AFDN: variants seen among roughly 807,000 people sequenced by gnomAD.
The protein encoded by AFDN is afadin, adherens junction formation factor, also known as afadin.
AFDN carries 68 observed loss-of-function variants against 216.6 expected under a neutral mutation model. That is an observed-to-expected ratio of 0.31 (90% CI 0.26 to 0.38). The LOEUF (loss-of-function observed/expected upper bound fraction) is 0.38. AFDN is among the 10% of genes least tolerant of loss of function. The pLI, the probability that AFDN is intolerant of heterozygous loss-of-function variation, is 1.00. For missense variants in AFDN, 2,136 were observed against 2,342.0 expected, an observed-to-expected ratio of 0.91 and a Z score of 1.82; for synonymous variants, 868 against 853.7, an observed-to-expected ratio of 1.02 and a Z score of -0.29.
At chr6:167,937,271 G>A (rs1794128485) in intron 23 of AFDN, among the ~76,000 whole-genome samples, 1 of 152,222 alleles carries the variant, frequency 6.6e-6, no homozygotes, top group African/African-American at 2.4e-5. Context: ...TTTGTCTTCT[G>A]TGTCTAAGAG....
At chr6:167,862,496 C>A (rs985355395) in intron 1 of AFDN, among the ~76,000 whole-genome samples, 1 of 152,094 alleles carries the variant, frequency 6.6e-6, no homozygotes. Context: ...CTGCCTCAGC[C>A]TCCTGAGTAG....
At chr6:167,958,678 T>C (rs1322542497) in intron 30 of AFDN, among the ~76,000 whole-genome samples, 1 of 152,238 alleles carries the variant, frequency 6.6e-6, no homozygotes, top group South Asian at 2.1e-4. Flanking sequence ...AGCTAGGTCT[T>C]CCCTCCTCTT....
chr6:167,942,760 C>A (rs1255486232), intron 23 of AFDN, among the ~76,000 whole-genome samples: 1 of 152,176 alleles, frequency 6.6e-6, no homozygotes, highest in African/African-American at 2.4e-5. Context: ...ATGAAAAGAA[C>A]AAGGGTATAA....
chr6:167,845,504 T>G (rs912990040), intron 1 of AFDN, among the ~76,000 whole-genome samples: 1 of 152,084 alleles, frequency 6.6e-6, no homozygotes, highest in Non-Finnish European at 1.5e-5. Context: ...TTCAAGCGAT[T>G]CTCCTGCCTC....
chr6:167,841,325 G>A (rs553464575), intron 1 of AFDN, among the ~76,000 whole-genome samples: 8 of 152,310 alleles, frequency 5.3e-5, no homozygotes, highest in African/African-American at 1.9e-4. Flanking sequence ...CAGGGTGATT[G>A]TGTAGGTAGC....
At chr6:167,841,452 A>G (rs186427076) in intron 1 of AFDN, among the ~76,000 whole-genome samples, 3 of 152,236 alleles carry the variant, frequency 2.0e-5, no homozygotes, top group Admixed American at 6.5e-5. Context: ...GGAACTGGCT[A>G]AGTGTACTGG....
chr6:167,864,250 G>A (rs1583202513), intron 1 of AFDN: 1 of 593,818 alleles, frequency 1.7e-6, no homozygotes, highest in Non-Finnish European at 3.2e-6. Flanking sequence ...TAAATATTGA[G>A]TGTCATGGTG....
chr6:167,918,954 G>A, intron 21 of AFDN, 21 bp downstream of exon 21: 1 of 1,599,632 alleles, frequency 6.3e-7, no homozygotes, highest in African/African-American at 1.3e-5. Context: ...CTAAATGCCT[G>A]AGTCTGAGCT....
chr6:167,963,252 C>T (rs2128749715), intron 31 of AFDN: 4 of 1,063,026 alleles, frequency 3.8e-6, no homozygotes, highest in East Asian at 5.1e-5. Context: ...GTGTGGCCGA[C>T]GCCCTCTGGA....
chr6:167,874,132 T>C (rs1308424583), intron 4 of AFDN, among the ~76,000 whole-genome samples: 2 of 152,230 alleles, frequency 1.3e-5, no homozygotes, highest in African/African-American at 4.8e-5. Flanking sequence ...TAGCCTCAGC[T>C]AGTCAGGAGG....
chr6:167,931,471 TAAAG>T (rs1296877829), intron 23 of AFDN, among the ~76,000 whole-genome samples: 1 of 152,086 alleles, frequency 6.6e-6, no homozygotes, highest in Non-Finnish European at 1.5e-5. Flanking sequence ...CTGAAGGAAA[TAAAG>T]AAAATGGCCT....
intron 2 of AFDN, among the ~76,000 whole-genome samples, chr6:167,866,836 C>G (rs1784241453): frequency 6.6e-6 from 1 of 152,216 alleles, no homozygotes; most frequent in Admixed American, 6.5e-5. Flanking sequence ...CACCTTGTTT[C>G]TCTTGAATAT....
intron 1 of AFDN, among the ~76,000 whole-genome samples, chr6:167,832,212 C>G (rs898363341): frequency 6.6e-6 from 1 of 152,318 alleles, no homozygotes; most frequent in Non-Finnish European, 1.5e-5. Flanking sequence ...CCCACAGACC[C>G]TTTAACCAGT....
intron 1 of AFDN, among the ~76,000 whole-genome samples, chr6:167,828,867 TGA>T (rs199849511): frequency 0.02 from 2,996 of 151,894 alleles, 55 homozygotes; most frequent in Non-Finnish European, 0.033. Flanking sequence ...GATTTTGAAT[TGA>T]GTTAGCATTA....
At chr6:167,849,430 A>T (rs1038081688) in intron 1 of AFDN, among the ~76,000 whole-genome samples, 2 of 149,930 alleles carry the variant, frequency 1.3e-5, no homozygotes, top group African/African-American at 2.5e-5. Flanking sequence ...GCTAGAAATG[A>T]TAGTACCTTC....
At chr6:167,855,960 G>A (rs761447128) in intron 1 of AFDN, among the ~76,000 whole-genome samples, 2 of 152,106 alleles carry the variant, frequency 1.3e-5, no homozygotes, top group Non-Finnish European at 2.9e-5. Context: ...CAGAACATAC[G>A]AAATGGAAAA....
At chr6:167,830,299 T>A (rs144751159) in intron 1 of AFDN, among the ~76,000 whole-genome samples, 6 of 152,236 alleles carry the variant, frequency 3.9e-5, no homozygotes, top group Non-Finnish European at 7.3e-5. Flanking sequence ...CTTGTCATTG[T>A]CATTGGTATG....
chr6:167,920,490 G>A (rs1168439585), intron 21 of AFDN, among the ~76,000 whole-genome samples: 4 of 152,150 alleles, frequency 2.6e-5, no homozygotes, highest in Non-Finnish European at 4.4e-5. Flanking sequence ...CCTTCCCACA[G>A]GCTTCTTCCC....
rs151284959 is a variant in AFDN, at chr6:167,884,582, A to G, written c.897+4065A>G. 2.4e-3 allele frequency among the ~76,000 whole-genome samples: 370 copies of G among 152,276 alleles called. 4 individuals are homozygous for G. Among genetic ancestry groups the G allele is most frequent in the African/African-American group, 7.9e-3 (330 of 41,558 alleles). On this transcript the variant is annotated intron_variant, in intron 6 of 33. Transcript: ENST00000683244. ...TTGTCAGTGAGCAGTAATATTTTCA[A>G]AGGGTTCTTATTTTTTTTTCTTCTT...
Sources: gnomAD v4.1 joint callset for allele counts (sites outside exome capture counted in the v4.1 genomes callset) on GRCh38, gnomAD v4.1.1 for gene constraint, MANE v1.5 for transcripts, NCBI Gene and HGNC (gene_info 2026-07-23, HGNC 2026-07-21) for gene names.